Variants in MIR2052HG observed in about 807,000 individuals in gnomAD.
The protein encoded by MIR2052HG is MIR2052 host gene.
intron 4 of MIR2052HG, among the ~76,000 whole-genome samples, chr8:74,723,793 G>GT (rs1809603918): frequency 6.6e-6 from 1 of 152,182 alleles, no homozygotes; most frequent in Non-Finnish European, 1.5e-5. Flanking sequence ...AGTTCTTCAT[G>GT]TAAGTCAAAA....
Position 74,744,425 on chromosome 8 carries a change from C to T in MIR2052HG, n.372-8016C>T, listed in dbSNP as rs529361147. 5.2e-3 allele frequency among the ~76,000 whole-genome samples: 797 copies of T among 152,010 alleles called. 9 individuals are homozygous for T. The highest frequency in any genetic ancestry group is 0.018 in the African/African-American group (752 of 41,468). On this transcript the variant is annotated intron_variant and non_coding_transcript_variant, in intron 4 of 6. Transcript: ENST00000523442. The stretch of plus-strand genomic sequence containing the variant: ...GTGCCATGCTGGTGTGCTGCACCCA[C>T]TAACTCGTCATCTAGCATTAGGTAT...
At chr8:74,661,785 A>G (rs1035085782) in intron 2 of MIR2052HG, among the ~76,000 whole-genome samples, 1 of 152,184 alleles carries the variant, frequency 6.6e-6, no homozygotes, top group Non-Finnish European at 1.5e-5. Flanking sequence ...TGAGAAACAG[A>G]GCTAGGTATA....
At chr8:74,665,280 G>T (rs1808910139) in intron 2 of MIR2052HG, among the ~76,000 whole-genome samples, 1 of 152,178 alleles carries the variant, frequency 6.6e-6, no homozygotes, top group Admixed American at 6.5e-5. Flanking sequence ...AATATGATAT[G>T]ATGTGATATG....
At chr8:74,633,093 C>G (rs1808537420) in intron 2 of MIR2052HG, 1 of 152,538 alleles carries the variant, frequency 6.6e-6, no homozygotes, top group Admixed American at 6.5e-5. Context: ...GATCATGGCT[C>G]ACTGCAGCCT....
chr8:74,669,087 A>G (rs1318070861), intron 2 of MIR2052HG, among the ~76,000 whole-genome samples: 1 of 152,184 alleles, frequency 6.6e-6, no homozygotes, highest in Non-Finnish European at 1.5e-5. Flanking sequence ...TCAAAATTCA[A>G]ACTTTTAAAT....
chr8:74,653,108 C>G (rs551344154), intron 2 of MIR2052HG, among the ~76,000 whole-genome samples: 1 of 152,252 alleles, frequency 6.6e-6, no homozygotes, highest in East Asian at 1.9e-4. Context: ...AACACAAATG[C>G]TGGCCACATT....
chr8:74,622,648 A>T (rs1195326047), intron 2 of MIR2052HG, among the ~76,000 whole-genome samples: 1 of 152,130 alleles, frequency 6.6e-6, no homozygotes, highest in Non-Finnish European at 1.5e-5. Flanking sequence ...CGAAAAAAGA[A>T]AAAAATGCTC....
At chr8:74,660,485 G>C (rs995215273) in intron 2 of MIR2052HG, among the ~76,000 whole-genome samples, 1 of 152,178 alleles carries the variant, frequency 6.6e-6, no homozygotes, top group African/African-American at 2.4e-5. Context: ...TCAGGCTTCA[G>C]TGTGCTAAAC....
intron 4 of MIR2052HG, among the ~76,000 whole-genome samples, chr8:74,729,408 A>G (rs1438997876): frequency 6.6e-6 from 1 of 152,188 alleles, no homozygotes; most frequent in Non-Finnish European, 1.5e-5. Flanking sequence ...TAAATACATA[A>G]CACACTGCCA....
intron 4 of MIR2052HG, among the ~76,000 whole-genome samples, chr8:74,704,571 A>G (rs935826987): frequency 2.0e-5 from 3 of 152,024 alleles, no homozygotes; most frequent in African/African-American, 7.2e-5. Flanking sequence ...TGATGCCTAC[A>G]GGCCTCTCTG....
At chr8:74,684,882 A>G (rs949959160) in intron 2 of MIR2052HG, among the ~76,000 whole-genome samples, 1 of 152,120 alleles carries the variant, frequency 6.6e-6, no homozygotes, top group African/African-American at 2.4e-5. Context: ...AATAATCTAA[A>G]ATGTGCATGA....
chr8:74,640,082 C>G (rs1395157118), intron 2 of MIR2052HG, among the ~76,000 whole-genome samples: 1 of 152,136 alleles, frequency 6.6e-6, no homozygotes, highest in Non-Finnish European at 1.5e-5. Flanking sequence ...ACTTTCACTT[C>G]TTTAATCCAT....
chr8:74,628,994 G>C (rs915749024), intron 2 of MIR2052HG: 1 of 151,972 alleles, frequency 6.6e-6, no homozygotes, highest in Non-Finnish European at 1.5e-5. Flanking sequence ...AATTGTGAAG[G>C]CTTTTTAAAG....
At chr8:74,613,484 A>T (rs1390215911) in intron 2 of MIR2052HG, among the ~76,000 whole-genome samples, 2 of 151,924 alleles carry the variant, frequency 1.3e-5, no homozygotes, top group Admixed American at 1.3e-4. Context: ...GATGGCAGGG[A>T]TTCATTTTTT....
At chr8:74,720,928 C>T (rs1809571726) in intron 4 of MIR2052HG, among the ~76,000 whole-genome samples, 1 of 152,104 alleles carries the variant, frequency 6.6e-6, no homozygotes, top group Non-Finnish European at 1.5e-5. Context: ...ATCATGAGAA[C>T]AGCATGGAGG....
intron 2 of MIR2052HG, among the ~76,000 whole-genome samples, chr8:74,643,888 C>A (rs763768823): frequency 6.6e-6 from 1 of 152,082 alleles, no homozygotes; most frequent in Non-Finnish European, 1.5e-5. Context: ...CTTTTAAATT[C>A]TTTCTATAAG....
At chr8:74,649,651 TG>T (rs1808731914) in intron 2 of MIR2052HG, among the ~76,000 whole-genome samples, 2 of 152,172 alleles carry the variant, frequency 1.3e-5, no homozygotes, top group African/African-American at 4.8e-5. Flanking sequence ...TTAAATATTT[TG>T]TGTTTACAAA....
At chr8:74,742,994 C>T (rs759356382) in intron 4 of MIR2052HG, among the ~76,000 whole-genome samples, 32 of 151,890 alleles carry the variant, frequency 2.1e-4, no homozygotes, top group Non-Finnish European at 3.7e-4. Flanking sequence ...GGACAAGGCT[C>T]AGATGGAGAG....
chr8:74,678,482 G>T (rs1691601367), intron 2 of MIR2052HG, among the ~76,000 whole-genome samples: 1 of 143,026 alleles, frequency 7.0e-6, no homozygotes, highest in Admixed American at 7.3e-5. Flanking sequence ...AGAATCGCTT[G>T]AACTTGGGAG....
Sources: allele counts gnomAD v4.1 joint callset (sites outside exome capture counted in the v4.1 genomes callset), GRCh38; gene constraint gnomAD v4.1.1; transcripts MANE v1.5; gene names NCBI Gene and HGNC (gene_info 2026-07-23, HGNC 2026-07-21).